Variants in WWOX observed in about 807,000 individuals in gnomAD.
The protein encoded by WWOX is WW domain-containing oxidoreductase.
In WWOX, 69 loss-of-function variants were observed where a neutral mutation model predicts 46.2. The observed-to-expected ratio is 1.49, with a 90% CI of 1.23 to 1.82. The LOEUF (loss-of-function observed/expected upper bound fraction) is 1.82, where lower values mean the gene tolerates loss of function less well. Among genes scored for constraint, WWOX ranks in the 40% most tolerant of loss-of-function variants. The probability of loss-of-function intolerance (pLI) is 0.00; values close to 1 mark genes in which losing one functional copy is unlikely to be tolerated. For synonymous variants in WWOX, 359 were observed against 202.6 expected (o/e 1.77, Z -6.56); for missense variants, 919 against 542.6 (o/e 1.69, Z -6.89).
rs147217404 is a variant in WWOX at position 78,431,187 on chromosome 16, C to T, written c.792-1301C>T. On this transcript the variant is annotated intron_variant, in intron 7 of 8. Transcript: ENST00000566780. ...ACAAACAGCTGGTGTTTAACGACTCCGTCAGACCCAATTATAAAGCATCAA... is the reference window on the plus strand; with the variant it reads ...ACAAACAGCTGGTGTTTAACGACTCTGTCAGACCCAATTATAAAGCATCAA... Among the ~76,000 whole-genome samples, 378 of 152,270 alleles carry T rather than the reference C, an allele frequency of 2.5e-3. 4 individuals carry two copies. Among genetic ancestry groups the T allele is most frequent in the African/African-American group, 1.8e-3 (76 of 41,556 alleles).
chr16:78,258,843 A>G (rs2038203146), intron 5 of WWOX, among the ~76,000 whole-genome samples: 1 of 152,122 alleles, frequency 6.6e-6, no homozygotes, highest in African/African-American at 2.4e-5. Flanking sequence ...TGGAACAGTT[A>G]AGACCAGTTA....
intron 8 of WWOX, among the ~76,000 whole-genome samples, chr16:78,935,730 A>G (rs2045723343): frequency 6.6e-6 from 1 of 151,902 alleles, no homozygotes; most frequent in Non-Finnish European, 1.5e-5. Context: ...CATTGTGCAC[A>G]TGTACCCTAG....
chr16:78,379,944 G>T (rs550427683), intron 5 of WWOX, among the ~76,000 whole-genome samples: 1 of 152,340 alleles, frequency 6.6e-6, no homozygotes, highest in Admixed American at 6.5e-5. Flanking sequence ...GAGGAGAAAA[G>T]AAAACGGAGA....
chr16:78,161,191 C>G (rs1390456232), intron 4 of WWOX, among the ~76,000 whole-genome samples: 1 of 151,644 alleles, frequency 6.6e-6, no homozygotes, highest in Admixed American at 6.6e-5. Context: ...AATGTACATT[C>G]TTTTTTAAGG....
chr16:79,190,392 C>G (rs2051111004), intron 8 of WWOX, among the ~76,000 whole-genome samples: 1 of 152,070 alleles, frequency 6.6e-6, no homozygotes, highest in Non-Finnish European at 1.5e-5. Flanking sequence ...AGATTCCTGC[C>G]TAAGGTCTGG....
intron 5 of WWOX, among the ~76,000 whole-genome samples, chr16:78,306,375 C>T (rs1227758462): frequency 6.6e-6 from 1 of 152,120 alleles, no homozygotes; most frequent in African/African-American, 2.4e-5. Context: ...CAGGGATTTG[C>T]TGAAGATTTT....
intron 8 of WWOX, among the ~76,000 whole-genome samples, chr16:78,798,645 C>G (rs1403850629): frequency 6.8e-6 from 1 of 147,156 alleles, no homozygotes; most frequent in Non-Finnish European, 1.5e-5. Flanking sequence ...AGGTTTTTCT[C>G]GAAACATATA....
chr16:78,553,753 T>A (rs16948072), intron 8 of WWOX, among the ~76,000 whole-genome samples: 2 of 151,530 alleles, frequency 1.3e-5, no homozygotes, highest in South Asian at 4.2e-4. Context: ...GTGACCAGAG[T>A]AAGTGAAGTC....
chr16:78,208,432 G>C (rs1411707840), intron 5 of WWOX, among the ~76,000 whole-genome samples: 2 of 152,126 alleles, frequency 1.3e-5, no homozygotes, highest in Non-Finnish European at 2.9e-5. Context: ...TATTTATTAA[G>C]AGTCACGACC....
intron 8 of WWOX, among the ~76,000 whole-genome samples, chr16:79,107,644 C>G (rs1435938209): frequency 6.6e-6 from 1 of 152,182 alleles, no homozygotes; most frequent in Non-Finnish European, 1.5e-5. Context: ...CACCCTCACC[C>G]TTCGTAATAG....
intron 8 of WWOX, among the ~76,000 whole-genome samples, chr16:78,979,600 A>T (rs2046641648): frequency 6.6e-6 from 1 of 152,174 alleles, no homozygotes; most frequent in Non-Finnish European, 1.5e-5. Flanking sequence ...GAGGAGAGTC[A>T]AATGGGAGTT....
intron 8 of WWOX, among the ~76,000 whole-genome samples, chr16:79,058,210 G>T (rs774500926): frequency 8.6e-5 from 13 of 151,922 alleles, no homozygotes; most frequent in Non-Finnish European, 1.5e-4. Context: ...GGCAGATACA[G>T]GTGTGCCCTC....
At position 78,261,479 on chromosome 16, in the gene WWOX, A is replaced by G. The variant is rs951903719; in HGVS notation, c.516+97190A>G. On this transcript the variant is annotated intron_variant, in intron 5 of 8. Coordinates refer to ENST00000566780, the MANE Select transcript of WWOX (RefSeq NM_016373.4). ...TAGCTGTATAAAAAGAAAAGACTAA[A>G]AAGAAAGCCACTCAAATTCCATTTC... 2.7e-5 allele frequency among the ~76,000 whole-genome samples: 4 copies of G among 150,814 alleles called. 1 individual carries two copies. Among genetic ancestry groups the G allele is most frequent in the Non-Finnish European group, 5.9e-5 (4 of 67,762 alleles).
intron 8 of WWOX, among the ~76,000 whole-genome samples, chr16:79,200,801 C>T (rs116214603): frequency 0.014 from 2,069 of 152,194 alleles, 30 homozygotes; most frequent in Middle Eastern, 0.048. Flanking sequence ...TGTACCTGGG[C>T]TCAGTGGTCT....
At chr16:78,524,865 CTT>C (rs370620034) in intron 8 of WWOX, among the ~76,000 whole-genome samples, 1,153 of 48,438 alleles carry the variant, frequency 0.024, 3 homozygotes, top group Non-Finnish European at 0.032. Context: ...GTTTTTCTTT[CTT>C]TTTTTTTTTT....
At chr16:78,920,152 C>T (rs2045346224) in intron 8 of WWOX, among the ~76,000 whole-genome samples, 1 of 152,236 alleles carries the variant, frequency 6.6e-6, no homozygotes, top group Non-Finnish European at 1.5e-5. Flanking sequence ...TGCTCTTGGT[C>T]TTCTCCATGC....
intron 8 of WWOX, among the ~76,000 whole-genome samples, chr16:79,116,363 G>A: frequency 6.6e-6 from 1 of 152,138 alleles, no homozygotes; most frequent in East Asian, 1.9e-4. Context: ...CTCAAAAGTG[G>A]AATCAGTTCT....
intron 8 of WWOX, among the ~76,000 whole-genome samples, chr16:78,926,588 G>T (rs534184533): frequency 1.3e-5 from 2 of 152,124 alleles, no homozygotes; most frequent in Admixed American, 1.3e-4. Context: ...TTTGCTGTTG[G>T]TCTGTGATGC....
intron 5 of WWOX, among the ~76,000 whole-genome samples, chr16:78,260,678 T>A (rs2079208355): frequency 7.0e-6 from 1 of 142,664 alleles, no homozygotes. Context: ...AAAAAAAAAA[T>A]TAGTTATCTC....
Sources: allele counts gnomAD v4.1 joint callset (sites outside exome capture counted in the v4.1 genomes callset), GRCh38; gene constraint gnomAD v4.1.1; transcripts MANE v1.5; gene names NCBI Gene and HGNC (gene_info 2026-07-23, HGNC 2026-07-21).